Variants in LPIN1 observed in about 807,000 individuals in gnomAD.
The protein encoded by LPIN1 is phosphatidate phosphatase LPIN1.
LPIN1 carries 71 observed loss-of-function variants against 107.5 expected under a neutral mutation model. The observed-to-expected ratio is 0.66, with a 90% CI of 0.55 to 0.80. The LOEUF (loss-of-function observed/expected upper bound fraction) is 0.80. Among genes scored for constraint, LPIN1 ranks in the 30% least tolerant of loss-of-function variants. The pLI is 0.00. For missense variants in LPIN1, 1,043 were observed against 1,160.6 expected (o/e 0.90, Z 1.47); for synonymous variants, 445 against 452.6 (o/e 0.98, Z 0.21).
At chr2:11,716,635 G>T (rs1180509436) in intron 2 of LPIN1, among the ~76,000 whole-genome samples, 1 of 152,134 alleles carries the variant, frequency 6.6e-6, no homozygotes, top group Non-Finnish European at 1.5e-5. Context: ...CTATGACAGG[G>T]TTGCCTGTGG....
intron 1 of LPIN1, among the ~76,000 whole-genome samples, chr2:11,758,206 G>C (rs989039678): frequency 6.6e-6 from 1 of 151,456 alleles, no homozygotes; most frequent in Non-Finnish European, 1.5e-5. Flanking sequence ...TGGCTATTAT[G>C]AATAATGCTG....
At chr2:11,808,655 C>G (rs1490950539) in intron 17 of LPIN1, among the ~76,000 whole-genome samples, 1 of 152,068 alleles carries the variant, frequency 6.6e-6, no homozygotes, top group African/African-American at 2.4e-5. Flanking sequence ...AGGTGGATCA[C>G]TTGAGGTCAG....
chr2:11,726,043 T>A (rs1014658576), intron 1 of LPIN1, among the ~76,000 whole-genome samples: 1 of 152,090 alleles, frequency 6.6e-6, no homozygotes, highest in Non-Finnish European at 1.5e-5. Context: ...TCTCATAGAC[T>A]CAAGATGATG....
intron 9 of LPIN1, 43 bp downstream of exon 9, chr2:11,783,965 A>C (rs1471768414): frequency 1.2e-6 from 2 of 1,613,208 alleles, no homozygotes; most frequent in Non-Finnish European, 1.7e-6. Context: ...CTATAATCTG[A>C]ATATCATTCT....
chr2:11,704,983 A>G (rs1663053887), intron 1 of LPIN1, among the ~76,000 whole-genome samples: 1 of 152,204 alleles, frequency 6.6e-6, no homozygotes, highest in South Asian at 2.1e-4. Context: ...GAACTTCCAC[A>G]TGTTACTTGT....
At chr2:11,791,868 G>A in intron 12 of LPIN1, 46 bp from the exon 13 acceptor site, 1 of 1,604,008 alleles carries the variant, frequency 6.2e-7, no homozygotes. Context: ...GTGCTAAGTT[G>A]ATCTTTTTTT....
chr2:11,677,667 T>C lies in LPIN1; in HGVS notation c.20T>C (p.Ile7Thr), dbSNP rs552783764. ...CGGGCCATGGGGGAACAGGACGGCA[T>C]TCGCAGCTCCAGCTGGGAGACCTCG... Residue 7 changes from isoleucine to threonine, a missense_variant, in exon 1 of 22, where the codon ATT becomes ACT. By Grantham distance (89) the Ile-to-Thr change is moderately conservative. Coordinates refer to the LPIN1 transcript ENST00000449576. 9.6e-5 allele frequency: 148 copies of C among 1,535,692 alleles called. No homozygotes were observed. The African/African-American group carries it at 1.8e-3, about 19-fold the overall frequency.
intron 3 of LPIN1, among the ~76,000 whole-genome samples, chr2:11,770,707 C>T (rs1186894281): frequency 5.3e-5 from 8 of 152,186 alleles, no homozygotes. Context: ...AAAATGATTA[C>T]TAGAGTTTTA....
At chr2:11,792,891 C>T (rs1676025776) in intron 13 of LPIN1, among the ~76,000 whole-genome samples, 2 of 152,164 alleles carry the variant, frequency 1.3e-5, no homozygotes, top group African/African-American at 2.4e-5. Flanking sequence ...CCTGGGTCTC[C>T]TCCTCCCAGC....
chr2:11,743,624 C>T (rs970420296), upstream of LPIN1, among the ~76,000 whole-genome samples: 2 of 152,192 alleles, frequency 1.3e-5, no homozygotes, highest in Admixed American at 6.5e-5. The surrounding 1 kb of genome is among the most constrained non-coding windows in gnomAD (Gnocchi z 4.7). Flanking sequence ...GCCCTCCCTT[C>T]CCCGGAGCCC....
chr2:11,766,992 G>GT (rs971227451), intron 2 of LPIN1, among the ~76,000 whole-genome samples: 1 of 152,050 alleles, frequency 6.6e-6, no homozygotes, highest in Non-Finnish European at 1.5e-5. Context: ...TCCCAGAGGG[G>GT]GTCCGTTCAG....
At chr2:11,784,806 C>T (rs1288739462) in intron 9 of LPIN1, 80 bp from the exon 10 acceptor site, 4 of 1,377,838 alleles carry the variant, frequency 2.9e-6, no homozygotes, top group Admixed American at 1.7e-5. Flanking sequence ...GGCCGCGTGC[C>T]AGAGCATCAC....
chr2:11,781,151 A>C (rs1673513504), intron 7 of LPIN1, among the ~76,000 whole-genome samples: 2 of 152,244 alleles, frequency 1.3e-5, no homozygotes, highest in South Asian at 4.1e-4. Context: ...TGACTATTGA[A>C]AACATCCCTT....
intron 14 of LPIN1, among the ~76,000 whole-genome samples, chr2:11,800,807 G>C (rs1301284959): frequency 1.3e-5 from 2 of 152,160 alleles, no homozygotes; most frequent in African/African-American, 2.4e-5. Flanking sequence ...ATGAAATTCA[G>C]ATCCTTTCCC....
rs1177963230 is a variant in LPIN1 at position 11,699,553 on chromosome 2, G to A, written c.82-14203G>A. On this transcript the variant is annotated intron_variant, in intron 1 of 21. Coordinates refer to the LPIN1 transcript ENST00000449576. Reference sequence around the variant, plus strand: ...CACCTTTCCTTCTCGGTATGGTTTCGACACCTGTTAGATGCAGCCTCTCTG... The same window carrying A: ...CACCTTTCCTTCTCGGTATGGTTTCAACACCTGTTAGATGCAGCCTCTCTG... 5.3e-5 allele frequency among the ~76,000 whole-genome samples: 8 copies of A among 152,174 alleles called. No individual in the cohort carries two copies. The South Asian group carries it at 6.3e-4, about 12-fold the overall frequency.
intron 1 of LPIN1, among the ~76,000 whole-genome samples, chr2:11,761,302 A>G (rs550865145): frequency 1.3e-5 from 2 of 152,314 alleles, no homozygotes; most frequent in Non-Finnish European, 2.9e-5. Context: ...ATCCCACTGC[A>G]CCTTTTTTGC....
chr2:11,702,101 G>T (rs1479528309), intron 1 of LPIN1, among the ~76,000 whole-genome samples: 1 of 152,152 alleles, frequency 6.6e-6, no homozygotes, highest in African/African-American at 2.4e-5. Flanking sequence ...GAAGTTTGTG[G>T]TGCTCACGGG....
chr2:11,771,223 A>C lies in LPIN1; in HGVS notation c.289-149A>C, dbSNP rs80269575. On this transcript the variant is annotated intron_variant, in intron 3 of 20. Coordinates refer to ENST00000674199, the MANE Select transcript of LPIN1 (RefSeq NM_001349206.2). This position sits in a 1 kb window ranked among gnomAD's most constrained non-coding sequence, Gnocchi z 4.8. ...TGGGCAGCCACATCTCCAGGTCACC[A>C]TGGCTGTGGCCTCTAGCTGGGCCAT... 7.8e-3 allele frequency: 5,589 copies of C among 712,840 alleles called. 43 individuals are homozygous for C. Among genetic ancestry groups the C allele is most frequent in the Non-Finnish European group, 9.7e-3 (3,980 of 410,956 alleles). 44.2% of individuals were successfully genotyped at this position (712,840 alleles called of 1,614,324 possible).
In LPIN1 at chr2:11,805,130, C is replaced by T. The variant is rs564822781; in HGVS notation, c.2223C>T (p.Ile741=). Residue 741 remains isoleucine, a synonymous_variant, in exon 17 of 21, where the codon ATC becomes ATT. Transcript: ENST00000674199. ...TLGKDWTHQG[I]AKLYHKVSQN... is the part of the protein sequence containing the mutation. ...GGAAGGATTGGACCCATCAGGGCAT[C>T]GCTAAGCTGTACCATAAAGTGAGCC... 1.4e-5 allele frequency: 23 copies of T among 1,613,978 alleles called. No individual in the cohort carries two copies. Among genetic ancestry groups the T allele is most frequent in the South Asian group, 1.2e-4 (11 of 91,064 alleles).
Sources: allele counts gnomAD v4.1 joint callset (sites outside exome capture counted in the v4.1 genomes callset), GRCh38; gene constraint gnomAD v4.1.1; non-coding constraint Gnocchi (gnomAD v3.1); transcripts MANE v1.5; gene names NCBI Gene and HGNC (gene_info 2026-07-23, HGNC 2026-07-21).